Variants in GRID1 observed in about 807,000 individuals in gnomAD.
GRID1 encodes glutamate ionotropic receptor delta type subunit 1.
A neutral mutation model predicts 98.0 loss-of-function variants in GRID1; 28 were observed. The observed-to-expected ratio is 0.29, with a 90% CI of 0.21 to 0.39. The LOEUF is 0.39. Ranked by LOEUF, GRID1 falls within the 10% of genes least tolerant of loss-of-function variation. The pLI, the probability that GRID1 is intolerant of heterozygous loss-of-function variation, is 1.00. For synonymous variants in GRID1, 553 were observed against 538.5 expected, an observed-to-expected ratio of 1.03 and a Z score of -0.37; for missense variants, 1,111 against 1,340.5, an observed-to-expected ratio of 0.83 and a Z score of 2.67.
chr10:86,123,917 C>T (rs529838526), intron 4 of GRID1, among the ~76,000 whole-genome samples: 2 of 152,226 alleles, frequency 1.3e-5, no homozygotes, highest in African/African-American at 4.8e-5. Context: ...CAGGAGCCAG[C>T]GTGGCTTCCC....
In GRID1 at chr10:85,876,463, C is replaced by T. The variant is rs546231134; in HGVS notation, c.781-7283G>A. ...GCATTTAACACCTATCCAGATAACC[C>T]AAGATAATCGCCCCATCTCAAGATC... On this transcript the variant is annotated intron_variant, in intron 5 of 15. Transcript: ENST00000327946. Among the ~76,000 whole-genome samples, 212 of 152,242 alleles carry T rather than the reference C, an allele frequency of 1.4e-3. 1 individual carries two copies. Among genetic ancestry groups the T allele is most frequent in the African/African-American group, 3.9e-3 (162 of 41,552 alleles).
chr10:85,867,131 G>T (rs149533735), intron 6 of GRID1, among the ~76,000 whole-genome samples: 1 of 152,200 alleles, frequency 6.6e-6, no homozygotes, highest in East Asian at 1.9e-4. Context: ...CATCCAATGT[G>T]TCTGATATGC....
chr10:86,096,928 C>T (rs540862497), intron 4 of GRID1, among the ~76,000 whole-genome samples: 9 of 152,170 alleles, frequency 5.9e-5, no homozygotes, highest in African/African-American at 1.9e-4. Context: ...TACCATTACC[C>T]CAAGTGACCC....
chr10:85,662,426 C>T lies in GRID1; in HGVS notation c.1998-15029G>A, dbSNP rs190531346. Among the ~76,000 whole-genome samples the T allele has an allele frequency of 2.1e-3, 326 of 152,316 alleles. 1 individual carries two copies. The highest frequency in any genetic ancestry group is 3.2e-3 in the Non-Finnish European group (220 of 68,032). On this transcript the variant is annotated intron_variant, in intron 12 of 15. Transcript: ENST00000327946. The stretch of plus-strand genomic sequence containing the variant: ...ACGCCAGGATAGGGGGCTTCAGGGA[C>T]CACATGACTGCAGTGAAAGGAGCCG...
chr10:86,040,390 A>G (rs1437870985), intron 4 of GRID1, among the ~76,000 whole-genome samples: 1 of 152,142 alleles, frequency 6.6e-6, no homozygotes, highest in African/African-American at 2.4e-5. Context: ...ATAAAACAGA[A>G]TACTATTCAG....
chr10:85,625,976 C>T (rs1590164898), intron 13 of GRID1, among the ~76,000 whole-genome samples: 1 of 152,204 alleles, frequency 6.6e-6, no homozygotes, highest in Admixed American at 6.5e-5. Flanking sequence ...CTATTCCATT[C>T]CATCCTAACT....
At chr10:86,231,563 C>G (rs1314213110) in intron 2 of GRID1, among the ~76,000 whole-genome samples, 1 of 152,216 alleles carries the variant, frequency 6.6e-6, no homozygotes, top group Non-Finnish European at 1.5e-5. Flanking sequence ...AGCAATGAGA[C>G]AGCAAAAGCT....
At chr10:85,709,557 C>G (rs1030196939) in intron 12 of GRID1, among the ~76,000 whole-genome samples, 1 of 152,168 alleles carries the variant, frequency 6.6e-6, no homozygotes, top group Non-Finnish European at 1.5e-5. Flanking sequence ...AGAATTTAGT[C>G]TACCTCTTCA....
At chr10:86,054,102 A>G (rs1463306675) in intron 4 of GRID1, among the ~76,000 whole-genome samples, 1 of 152,058 alleles carries the variant, frequency 6.6e-6, no homozygotes, top group Non-Finnish European at 1.5e-5. Context: ...AACTCTCATG[A>G]CCCCCTGAAA....
chr10:85,668,605 T>C (rs1442001225), intron 12 of GRID1, among the ~76,000 whole-genome samples: 2 of 152,150 alleles, frequency 1.3e-5, no homozygotes, highest in Non-Finnish European at 2.9e-5. Flanking sequence ...TCCCTTCATT[T>C]TATAGACCTA....
intron 4 of GRID1, among the ~76,000 whole-genome samples, chr10:86,054,061 T>C (rs987454161): frequency 2.0e-5 from 3 of 152,212 alleles, no homozygotes; most frequent in African/African-American, 7.2e-5. Flanking sequence ...GTTCTGTCCT[T>C]ATGCCTAGTC....
chr10:85,656,406 T>C (rs1840895353), intron 12 of GRID1, among the ~76,000 whole-genome samples: 1 of 152,184 alleles, frequency 6.6e-6, no homozygotes, highest in Non-Finnish European at 1.5e-5. Flanking sequence ...TGCAGGACTT[T>C]TGCCACAATC....
intron 4 of GRID1, among the ~76,000 whole-genome samples, chr10:86,108,666 G>A (rs1473837427): frequency 1.3e-5 from 2 of 152,108 alleles, no homozygotes; most frequent in African/African-American, 4.8e-5. Flanking sequence ...TTCTCCTTGG[G>A]ATTGTTTGCA....
At chr10:86,073,358 C>T (rs1843831461) in intron 4 of GRID1, among the ~76,000 whole-genome samples, 1 of 152,210 alleles carries the variant, frequency 6.6e-6, no homozygotes, top group African/African-American at 2.4e-5. Flanking sequence ...CTGTTACACA[C>T]TGGGGTAGGG....
chr10:85,734,735 G>A (rs1331492546), intron 8 of GRID1, among the ~76,000 whole-genome samples: 1 of 152,156 alleles, frequency 6.6e-6, no homozygotes, highest in Non-Finnish European at 1.5e-5. Context: ...ACAAAACTGT[G>A]TGATCTTGCC....
intron 8 of GRID1, among the ~76,000 whole-genome samples, chr10:85,787,807 A>G (rs953592021): frequency 1.4e-4 from 22 of 152,160 alleles, no homozygotes; most frequent in African/African-American, 5.1e-4. Context: ...CCCTGCTGTC[A>G]TCTGACAGCC....
intron 4 of GRID1, among the ~76,000 whole-genome samples, chr10:85,924,735 T>G (rs1414701764): frequency 1.3e-5 from 2 of 152,250 alleles, no homozygotes; most frequent in African/African-American, 4.8e-5. Context: ...AATAATTGAC[T>G]AAATTCATGT....
At chr10:86,026,091 A>G (rs1423526695) in intron 4 of GRID1, among the ~76,000 whole-genome samples, 2 of 152,160 alleles carry the variant, frequency 1.3e-5, no homozygotes, top group Non-Finnish European at 2.9e-5. Context: ...AACCCATCCA[A>G]TCCCAGAGTT....
At chr10:85,851,224 A>G (rs927405277) in intron 8 of GRID1, among the ~76,000 whole-genome samples, 3 of 152,126 alleles carry the variant, frequency 2.0e-5, no homozygotes, top group African/African-American at 7.2e-5. Flanking sequence ...CCCCACCCCC[A>G]AGACAAATGT....
Sources: gnomAD v4.1 joint callset for allele counts (sites outside exome capture counted in the v4.1 genomes callset) on GRCh38, gnomAD v4.1.1 for gene constraint, MANE v1.5 for transcripts, NCBI Gene and HGNC (gene_info 2026-07-23, HGNC 2026-07-21) for gene names.